The following CTNNA3 variants were observed in gnomAD, a reference collection of about 807,000 sequenced individuals.
CTNNA3 encodes the protein catenin alpha-3.
CTNNA3 carries 76 observed loss-of-function variants against 95.7 expected under a neutral mutation model. That is an observed-to-expected ratio of 0.79 (90% CI 0.66 to 0.96). The LOEUF (loss-of-function observed/expected upper bound fraction) is 0.96. CTNNA3 is among the 40% of genes least tolerant of loss of function. The probability of loss-of-function intolerance (pLI) is 0.00; values close to 1 mark genes in which losing one functional copy is unlikely to be tolerated. For missense variants in CTNNA3, 1,191 were observed against 1,089.8 expected (o/e 1.09, Z -1.31); for synonymous variants, 431 against 374.4 (o/e 1.15, Z -1.74).
intron 13 of CTNNA3, among the ~76,000 whole-genome samples, chr10:66,137,053 C>A (rs1376817730): frequency 6.6e-6 from 1 of 152,108 alleles, no homozygotes; most frequent in Non-Finnish European, 1.5e-5. Context: ...AACTCCTAAC[C>A]TCAAGCGATC....
chr10:67,737,857 A>G lies in CTNNA3; in HGVS notation c.-2+25577T>C, dbSNP rs536393765. Among the ~76,000 whole-genome samples, 86 of 152,346 alleles carry G rather than the reference A, an allele frequency of 5.6e-4. No individual in the cohort carries two copies. In the Middle Eastern group the frequency reaches 0.01, roughly 18 times the overall value. Reference sequence around the variant, plus strand: ...TGGAAGACAGTGTGGCAATTCCTCAAGGATCTAGAACTAGAAATACCATTT... The same window carrying G: ...TGGAAGACAGTGTGGCAATTCCTCAGGGATCTAGAACTAGAAATACCATTT... On this transcript the variant is annotated intron_variant, in intron 1 of 17. Coordinates refer to the CTNNA3 transcript ENST00000684154.
chr10:66,799,910 G>T (rs1395218341), intron 7 of CTNNA3, among the ~76,000 whole-genome samples: 30 of 150,710 alleles, frequency 2.0e-4, no homozygotes, highest in Non-Finnish European at 2.2e-4. Context: ...CATAAATGTT[G>T]AACACCTTTA....
At chr10:66,353,076 C>T (rs2092579462) in intron 12 of CTNNA3, among the ~76,000 whole-genome samples, 1 of 151,786 alleles carries the variant, frequency 6.6e-6, no homozygotes, top group African/African-American at 2.4e-5. Flanking sequence ...TAAAGGTAGC[C>T]GGTTTTATCT....
chr10:66,788,498 T>C lies in CTNNA3; in HGVS notation c.1048-12974A>G, dbSNP rs533443486. Among the ~76,000 whole-genome samples the C allele has an allele frequency of 5.9e-5, 9 of 152,254 alleles. No individual in the cohort carries two copies. In the East Asian group the frequency reaches 1.7e-3, roughly 29 times the overall value. ...AAACATCAAATAATGGGTGTCTAAA[T>C]TGAAAATGAAACTATTTGTTGCCTG... is the stretch of plus-strand genomic sequence containing the variant. On this transcript the variant is annotated intron_variant, in intron 7 of 17. Coordinates refer to ENST00000433211, the MANE Select transcript of CTNNA3 (RefSeq NM_013266.4).
At chr10:66,832,202 T>C (rs969717064) in intron 7 of CTNNA3, among the ~76,000 whole-genome samples, 2 of 152,214 alleles carry the variant, frequency 1.3e-5, no homozygotes, top group African/African-American at 4.8e-5. Flanking sequence ...AATGACTCTA[T>C]AGTTTTGATG....
chr10:66,781,296 C>T (rs143655871), intron 7 of CTNNA3, among the ~76,000 whole-genome samples: 2 of 152,166 alleles, frequency 1.3e-5, no homozygotes, highest in African/African-American at 4.8e-5. Context: ...GATGCATTTT[C>T]CTTTTAATGG....
intron 5 of CTNNA3, among the ~76,000 whole-genome samples, chr10:67,475,782 G>A (rs1340382278): frequency 6.6e-6 from 1 of 152,152 alleles, no homozygotes; most frequent in Non-Finnish European, 1.5e-5. Context: ...AAATACAGAT[G>A]AAAGCAATGA....
At chr10:66,857,319 T>C (rs1289090293) in intron 7 of CTNNA3, among the ~76,000 whole-genome samples, 1 of 152,146 alleles carries the variant, frequency 6.6e-6, no homozygotes, top group African/African-American at 2.4e-5. Flanking sequence ...GTGGTATAAT[T>C]TGAAATCAGG....
chr10:67,653,773 C>T (rs1374135249), intron 1 of CTNNA3, among the ~76,000 whole-genome samples: 1 of 152,106 alleles, frequency 6.6e-6, no homozygotes, highest in Non-Finnish European at 1.5e-5. Flanking sequence ...AAAGCTTCCC[C>T]ACCCCCTATC....
chr10:66,194,032 G>A (rs1483187320), intron 13 of CTNNA3, among the ~76,000 whole-genome samples: 2 of 151,982 alleles, frequency 1.3e-5, no homozygotes, highest in Admixed American at 6.6e-5. Context: ...AGCATATTCT[G>A]GAAACAGTAT....
At chr10:67,059,412 T>C (rs1203505699) in intron 7 of CTNNA3, among the ~76,000 whole-genome samples, 3 of 152,196 alleles carry the variant, frequency 2.0e-5, no homozygotes, top group African/African-American at 4.8e-5. Context: ...AAACAATTAA[T>C]TGCAAAAATT....
At chr10:67,702,692 CA>C (rs903591741) in intron 1 of CTNNA3, among the ~76,000 whole-genome samples, 1 of 152,156 alleles carries the variant, frequency 6.6e-6, no homozygotes, top group African/African-American at 2.4e-5. Context: ...TCAAAATTGA[CA>C]ACCTAACATC....
intron 13 of CTNNA3, among the ~76,000 whole-genome samples, chr10:66,265,496 T>C (rs2091125308): frequency 6.6e-6 from 1 of 152,040 alleles, no homozygotes; most frequent in South Asian, 2.1e-4. Context: ...CAGCCTAGCA[T>C]GTATGAAAAT....
At chr10:66,936,628 G>C (rs971932557) in intron 7 of CTNNA3, among the ~76,000 whole-genome samples, 1 of 152,030 alleles carries the variant, frequency 6.6e-6, no homozygotes, top group East Asian at 1.9e-4. Context: ...TGGAGTCATC[G>C]GACAGATGGA....
At chr10:67,250,973 C>G (rs1249701826) in intron 5 of CTNNA3, among the ~76,000 whole-genome samples, 1 of 152,188 alleles carries the variant, frequency 6.6e-6, no homozygotes, top group Non-Finnish European at 1.5e-5. Flanking sequence ...AGTAATTCCT[C>G]TCTTCAGTAT....
At chr10:66,607,070 A>T (rs1185324093) in intron 10 of CTNNA3, among the ~76,000 whole-genome samples, 3 of 152,128 alleles carry the variant, frequency 2.0e-5, no homozygotes, top group Admixed American at 2.0e-4. Flanking sequence ...ACATCCAAAT[A>T]AACACAATTA....
intron 13 of CTNNA3, among the ~76,000 whole-genome samples, chr10:66,168,261 G>C (rs1014571364): frequency 6.6e-6 from 1 of 152,130 alleles, no homozygotes; most frequent in African/African-American, 2.4e-5. Flanking sequence ...CATCCTGAAA[G>C]ATAATGAGAG....
intron 5 of CTNNA3, among the ~76,000 whole-genome samples, chr10:67,280,053 C>G (rs556139644): frequency 6.6e-6 from 1 of 150,384 alleles, no homozygotes; most frequent in East Asian, 1.9e-4. Context: ...GAACAATACC[C>G]CAAAGTATGG....
At chr10:66,618,092 C>G (rs1365158530) in intron 10 of CTNNA3, among the ~76,000 whole-genome samples, 2 of 152,120 alleles carry the variant, frequency 1.3e-5, no homozygotes, top group Non-Finnish European at 1.5e-5. Flanking sequence ...ACATTCCATG[C>G]TCATGGATAG....
Sources: allele counts gnomAD v4.1 joint callset (sites outside exome capture counted in the v4.1 genomes callset), GRCh38; gene constraint gnomAD v4.1.1; transcripts MANE v1.5; gene names NCBI Gene and HGNC (gene_info 2026-07-23, HGNC 2026-07-21).